The following SPACA9 variants were observed in gnomAD, a reference collection of about 807,000 sequenced individuals.
The protein encoded by SPACA9 is sperm acrosome associated 9, also known as sperm acrosome-associated protein 9.
A neutral mutation model predicts 12.5 loss-of-function variants in SPACA9; 14 were observed. The observed-to-expected ratio is 1.12, with a 90% confidence interval of 0.74 to 1.75. The LOEUF (loss-of-function observed/expected upper bound fraction) is 1.75. Among genes scored for constraint, SPACA9 ranks in the 40% most tolerant of loss-of-function variants. The pLI, the probability that SPACA9 is intolerant of heterozygous loss-of-function variation, is 0.00. For missense variants in SPACA9, 292 were observed against 291.9 expected, an observed-to-expected ratio of 1.00 and a Z score of 0.00; for synonymous variants, 111 against 114.1, an observed-to-expected ratio of 0.97 and a Z score of 0.17.
In SPACA9 at chr9:132,889,838, T is replaced by C. The variant is rs1588272974; in HGVS notation, c.*1227T>C. 2.2e-6 allele frequency: 3 copies of C among 1,342,900 alleles called. No individual in the cohort carries two copies. Among genetic ancestry groups the C allele is most frequent in the Non-Finnish European group, 2.9e-6 (3 of 1,035,352 alleles). 83.2% of individuals were successfully genotyped at this position (1,342,900 alleles called of 1,614,324 possible). The stretch of plus-strand genomic sequence containing the variant: ...GCCAGAATTCTGATTTTGTGGCTCC[T>C]GAGCAAGGGCGATGACCTGGTTTTC... On this transcript the variant is annotated 3_prime_UTR_variant, in exon 4 of 4. Transcript: ENST00000356311.
At chr9:132,883,312 T>C (rs1844474960) in intron 1 of SPACA9, among the ~76,000 whole-genome samples, 2 of 152,210 alleles carry the variant, frequency 1.3e-5, no homozygotes, top group South Asian at 2.1e-4. Context: ...TTACATCTTC[T>C]CAAACTAGAC....
intron 2 of SPACA9, among the ~76,000 whole-genome samples, chr9:132,885,510 C>T (rs142605616): frequency 1.9e-5 from 2 of 107,682 alleles, no homozygotes; most frequent in Admixed American, 1.0e-4. Flanking sequence ...AAGACCCTGT[C>T]TCAAAAAAAA....
rs1282188325 is a variant in SPACA9, at chr9:132,878,905, C to T, written c.-147C>T. 1 of 467,356 alleles carries T rather than the reference C, an allele frequency of 2.1e-6. No homozygotes were observed. The highest frequency in any genetic ancestry group is 2.8e-6 in the Non-Finnish European group (1 of 356,496). 29.0% of individuals were successfully genotyped at this position (467,356 alleles called of 1,614,324 possible). On this transcript the variant is annotated 5_prime_UTR_variant, in exon 1 of 4. Coordinates refer to ENST00000356311, the MANE Select transcript of SPACA9 (RefSeq NM_001316897.2). The surrounding 1 kb of genome is among the most constrained non-coding windows in gnomAD (Gnocchi z 4.7). ...CCGACGTCCCCACCCACCCTCGCCT[C>T]CCAAGTCCTGGAACGGGCCTCCCCA...
intron 2 of SPACA9, among the ~76,000 whole-genome samples, 165 bp downstream of exon 2, chr9:132,884,256 C>G (rs2231405): frequency 6.6e-6 from 1 of 152,188 alleles, no homozygotes; most frequent in Admixed American, 6.5e-5. Flanking sequence ...GTTTCTCTAC[C>G]AAATATGTAA....
intron 1 of SPACA9, 47 bp from the exon 2 acceptor site, chr9:132,883,864 G>A (rs1390950910): frequency 2.7e-6 from 4 of 1,459,676 alleles, no homozygotes; most frequent in South Asian, 2.4e-5. Context: ...AGCTGGATCC[G>A]AGCATTGGGT....
chr9:132,878,412 C>G (rs1302599704), upstream of SPACA9: 55 of 1,236,836 alleles, frequency 4.4e-5, no homozygotes, highest in Non-Finnish European at 5.2e-5. The surrounding 1 kb of genome is among the most constrained non-coding windows in gnomAD (Gnocchi z 4.7). Context: ...CCCGACCTCC[C>G]CGGCTGACGC....
chr9:132,884,190 G>A, intron 2 of SPACA9, 99 bp downstream of exon 2: 1 of 1,362,028 alleles, frequency 7.3e-7, no homozygotes, highest in South Asian at 1.3e-5. Context: ...AAGGACGTTT[G>A]CGCCAGAATT....
intron 1 of SPACA9, among the ~76,000 whole-genome samples, chr9:132,882,913 C>T (rs991193217): frequency 1.3e-5 from 2 of 152,138 alleles, no homozygotes; most frequent in Non-Finnish European, 2.9e-5. Context: ...CTGTGACACC[C>T]TGGGCAAAAC....
At chr9:132,885,144 A>C (rs1054430074) in intron 2 of SPACA9, among the ~76,000 whole-genome samples, 1 of 151,752 alleles carries the variant, frequency 6.6e-6, no homozygotes, top group Non-Finnish European at 1.5e-5. Flanking sequence ...AAAAACAAAA[A>C]CAAAAAAATG....
chr9:132,889,338 A>G lies in SPACA9; in HGVS notation c.*727A>G. 3 of 985,530 alleles carry G rather than the reference A, an allele frequency of 3.0e-6. No homozygotes were observed. The highest frequency in any genetic ancestry group is 3.6e-6 in the Non-Finnish European group (3 of 830,024). The allele number at this position is 985,530 out of a possible 1,614,324, so 61.0% of individuals were successfully genotyped here. On this transcript the variant is annotated 3_prime_UTR_variant, in exon 4 of 4. Transcript: ENST00000356311. ...CCAGCCCCAACTGTAGGCAAGGCACACGCTGTTTGCGAGCCAGGGATGCTC... is the reference window on the plus strand; with the variant it reads ...CCAGCCCCAACTGTAGGCAAGGCACGCGCTGTTTGCGAGCCAGGGATGCTC...
At chr9:132,879,695 C>G (rs969449756) in intron 1 of SPACA9, among the ~76,000 whole-genome samples, 3 of 152,182 alleles carry the variant, frequency 2.0e-5, no homozygotes, top group African/African-American at 7.2e-5. Context: ...AGTCACTTCC[C>G]CTTTCTGGGC....
chr9:132,888,273 C>T lies in SPACA9; in HGVS notation c.348-17C>T, dbSNP rs1157075808. The T allele has an allele frequency of 2.5e-6, 4 of 1,583,490 alleles. No individual in the cohort carries two copies. The highest frequency in any genetic ancestry group is 3.4e-6 in the Non-Finnish European group (4 of 1,162,384). ...TCCCGGGAGCATGGGTTCACCTGGC[C>T]CCCTGCCGTCCTGCAGATACCCTCA... On this transcript the variant is annotated splice_polypyrimidine_tract_variant and intron_variant, in intron 3 of 3. Coordinates refer to ENST00000356311, the MANE Select transcript of SPACA9 (RefSeq NM_001316897.2). The surrounding 1 kb of genome is among the most constrained non-coding windows in gnomAD (Gnocchi z 5.0).
chr9:132,889,800 G>T lies in SPACA9; in HGVS notation c.*1189G>T. ...CCTTCGCCTTTACTTGGGAGAGGGAGACCATGACAGAAGCCAGAATTCTGA... is the reference window on the plus strand; with the variant it reads ...CCTTCGCCTTTACTTGGGAGAGGGATACCATGACAGAAGCCAGAATTCTGA... On this transcript the variant is annotated 3_prime_UTR_variant, in exon 4 of 4. Transcript: ENST00000356311. 7.6e-7 allele frequency: 1 copy of T among 1,322,872 alleles called. No individual in the cohort carries two copies. Among genetic ancestry groups the T allele is most frequent in the South Asian group, 2.6e-5 (1 of 38,372 alleles). 81.9% of individuals were successfully genotyped at this position (1,322,872 alleles called of 1,614,324 possible).
intron 2 of SPACA9, among the ~76,000 whole-genome samples, chr9:132,884,967 G>A (rs1844524505): frequency 6.6e-6 from 1 of 151,730 alleles, no homozygotes; most frequent in South Asian, 2.1e-4. Context: ...TACAAAAATA[G>A]CTGGGCGTGG....
chr9:132,885,383 C>T (rs891883051), intron 2 of SPACA9, among the ~76,000 whole-genome samples: 2 of 151,448 alleles, frequency 1.3e-5, no homozygotes, highest in African/African-American at 4.9e-5. Flanking sequence ...TGTGGTGGTA[C>T]GCGCCTGTAG....
At position 132,889,506 on chromosome 9, in the gene SPACA9, A is replaced by T; in HGVS notation, c.*895A>T. The T allele has an allele frequency of 1.4e-6, 1 of 740,302 alleles. No individual in the cohort carries two copies. The highest frequency in any genetic ancestry group is 1.6e-6 in the Non-Finnish European group (1 of 606,316). The allele number at this position is 740,302 out of a possible 1,614,324, so 45.9% of individuals were successfully genotyped here. On this transcript the variant is annotated 3_prime_UTR_variant, in exon 4 of 4. Coordinates refer to ENST00000356311, the MANE Select transcript of SPACA9 (RefSeq NM_001316897.2). ...ACTGCAACCTCCACCTCCAGGTTCA[A>T]GCGATTCTCCTGCCTCAGCCTCCTG...
upstream of SPACA9, chr9:132,878,526 C>T: frequency 8.4e-7 from 1 of 1,184,824 alleles, no homozygotes; most frequent in Non-Finnish European, 1.0e-6. The surrounding 1 kb of genome is among the most constrained non-coding windows in gnomAD (Gnocchi z 4.7). Flanking sequence ...TGGGCCTCCT[C>T]GTATCTGAGA....
upstream of SPACA9, chr9:132,878,694 A>G: frequency 1.0e-6 from 1 of 990,002 alleles, no homozygotes; most frequent in East Asian, 1.1e-4. This position sits in a 1 kb window ranked among gnomAD's most constrained non-coding sequence, Gnocchi z 4.7. Flanking sequence ...AGGGTGTTTG[A>G]AGGGGGAGGG....
At chr9:132,883,097 G>A (rs1247811125) in intron 1 of SPACA9, among the ~76,000 whole-genome samples, 1 of 151,882 alleles carries the variant, frequency 6.6e-6, no homozygotes, top group East Asian at 1.9e-4. Flanking sequence ...CAGGAGGATT[G>A]TAGATGCTCT....
Sources: allele counts gnomAD v4.1 joint callset (sites outside exome capture counted in the v4.1 genomes callset), GRCh38; gene constraint gnomAD v4.1.1; non-coding constraint Gnocchi (gnomAD v3.1); transcripts MANE v1.5; gene names NCBI Gene and HGNC (gene_info 2026-07-23, HGNC 2026-07-21).